The following DAPK2 variants were observed in gnomAD, a reference collection of about 807,000 sequenced individuals.
DAPK2 encodes the protein death associated protein kinase 2.
A neutral mutation model predicts 44.1 loss-of-function variants in DAPK2; 35 were observed. The observed-to-expected ratio is 0.79, with a 90% CI of 0.61 to 1.05. DAPK2 has a LOEUF of 1.05. DAPK2 is among the 50% of genes least tolerant of loss of function. DAPK2 has a pLI of 0.00. For missense variants in DAPK2, 453 were observed against 483.2 expected, an observed-to-expected ratio of 0.94 and a Z score of 0.59; for synonymous variants, 174 against 182.6, an observed-to-expected ratio of 0.95 and a Z score of 0.38.
chr15:64,034,497 T>C (rs192349627), intron 1 of DAPK2, among the ~76,000 whole-genome samples: 18 of 152,300 alleles, frequency 1.2e-4, no homozygotes, highest in African/African-American at 3.8e-4. Flanking sequence ...GCAGGGTGTC[T>C]TGCATACATG....
chr15:63,977,577 A>G (rs766564620), intron 2 of DAPK2, among the ~76,000 whole-genome samples: 2 of 140,150 alleles, frequency 1.4e-5, no homozygotes, highest in Non-Finnish European at 2.9e-5. Context: ...AGGAATCTCT[A>G]TGAGATTCTT....
In DAPK2 at chr15:63,939,553, G is replaced by C. The variant is rs775550511; in HGVS notation, c.454-192C>G. On this transcript the variant is annotated intron_variant, in intron 3 of 10. Coordinates refer to ENST00000261891, the Ensembl canonical transcript of DAPK2. This position sits in a 1 kb window ranked among gnomAD's most constrained non-coding sequence, Gnocchi z 4.3. ...AGTCTTCTCTGTGAACCCAAAGACA[G>C]GTAAAGCATTGAGGGCAAGGCCTGG... Among the ~76,000 whole-genome samples, 1 of 152,164 alleles carries C rather than the reference G, an allele frequency of 6.6e-6. No individual in the cohort carries two copies. The highest frequency in any genetic ancestry group is 2.4e-5 in the African/African-American group (1 of 41,434).
chr15:64,040,514 A>G (rs2080324483), upstream of DAPK2, among the ~76,000 whole-genome samples: 1 of 152,140 alleles, frequency 6.6e-6, no homozygotes, highest in Non-Finnish European at 1.5e-5. Flanking sequence ...TCAGGTCTTC[A>G]GATCTGTCTG....
chr15:64,002,959 T>C (rs1567266507), intron 1 of DAPK2, among the ~76,000 whole-genome samples: 12 of 103,180 alleles, frequency 1.2e-4, no homozygotes, highest in African/African-American at 3.3e-4. Context: ...TGTGTGTGTG[T>C]GTGTGTCGTG....
At chr15:63,934,420 C>A (rs1393671234) in intron 4 of DAPK2, among the ~76,000 whole-genome samples, 1 of 151,738 alleles carries the variant, frequency 6.6e-6, no homozygotes, top group Non-Finnish European at 1.5e-5. Flanking sequence ...CCACACCCAG[C>A]TAATTTTTGT....
At chr15:63,954,298 A>C (rs1461258532) in intron 3 of DAPK2, among the ~76,000 whole-genome samples, 1 of 152,188 alleles carries the variant, frequency 6.6e-6, no homozygotes, top group African/African-American at 2.4e-5. Context: ...CTTAGATTTA[A>C]GTCTTTAATC....
rs536643819 is a variant in DAPK2 at position 64,013,018 on chromosome 15, C to T, written c.92+27152G>A. Among the ~76,000 whole-genome samples the T allele has an allele frequency of 6.6e-6, 1 of 152,244 alleles. No individual in the cohort carries two copies. Among genetic ancestry groups the T allele is most frequent in the Admixed American group, 6.5e-5 (1 of 15,286 alleles). ...TCTTCGATATGATCATAATGTCAAA[C>T]AGACAAGAAAGAATTCACAGAAGCA... On this transcript the variant is annotated intron_variant, in intron 1 of 10. Transcript: ENST00000261891. The surrounding 1 kb of genome is among the most constrained non-coding windows in gnomAD (Gnocchi z 4.7).
At chr15:63,929,229 A>ATCCC (rs1567210427) in intron 6 of DAPK2, among the ~76,000 whole-genome samples, 2 of 151,590 alleles carry the variant, frequency 1.3e-5, no homozygotes, top group Non-Finnish European at 2.9e-5. Context: ...TCTGAGTGAA[A>ATCCC]AGTGACATTC....
intron 1 of DAPK2, among the ~76,000 whole-genome samples, chr15:64,015,952 C>A (rs148241235): frequency 1.1e-4 from 17 of 152,320 alleles, no homozygotes; most frequent in African/African-American, 4.1e-4. Context: ...TTGAAGCCAC[C>A]CAGTTTGTGG....
At chr15:63,965,207 C>T (rs1345386758) in intron 3 of DAPK2, among the ~76,000 whole-genome samples, 1 of 152,236 alleles carries the variant, frequency 6.6e-6, no homozygotes, top group African/African-American at 2.4e-5. Context: ...TTCTTGCAGA[C>T]TTGTAAAGGT....
intron 1 of DAPK2, among the ~76,000 whole-genome samples, chr15:64,005,363 GTT>G (rs1277123565): frequency 2.0e-5 from 3 of 150,974 alleles, no homozygotes; most frequent in Non-Finnish European, 4.4e-5. Flanking sequence ...GGTTTGGTAA[GTT>G]CAGCCACCAC....
intron 8 of DAPK2, chr15:63,920,296 G>C (rs2079036669): frequency 6.6e-6 from 1 of 152,106 alleles, no homozygotes; most frequent in South Asian, 2.1e-4. Context: ...CACCGGCTTG[G>C]GACTCCTGTT....
intron 1 of DAPK2, among the ~76,000 whole-genome samples, chr15:63,988,298 T>A (rs2078720109): frequency 6.6e-6 from 1 of 152,020 alleles, no homozygotes; most frequent in East Asian, 1.9e-4. Flanking sequence ...AGGACTCACA[T>A]TAAAAGGGGT....
intron 4 of DAPK2, 29 bp from the exon 6 acceptor site, chr15:63,930,484 A>G (rs1455648500): frequency 1.9e-6 from 3 of 1,609,694 alleles, no homozygotes; most frequent in Non-Finnish European, 2.6e-6. Flanking sequence ...AATAGTCAAC[A>G]TGAGTGTGAA....
At chr15:63,952,688 T>C (rs534775707) in intron 3 of DAPK2, among the ~76,000 whole-genome samples, 1 of 151,848 alleles carries the variant, frequency 6.6e-6, no homozygotes, top group Non-Finnish European at 1.5e-5. Context: ...ACATAGTAGG[T>C]GTATATATTT....
chr15:63,984,669 A>T (rs2078622742), intron 1 of DAPK2, among the ~76,000 whole-genome samples: 2 of 152,236 alleles, frequency 1.3e-5, no homozygotes, highest in South Asian at 4.1e-4. Flanking sequence ...TCATTGCCCC[A>T]TGTTTTCTTG....
intron 1 of DAPK2, among the ~76,000 whole-genome samples, chr15:63,994,394 GA>G (rs1459607012): frequency 1.3e-5 from 2 of 148,394 alleles, no homozygotes; most frequent in East Asian, 4.0e-4. Flanking sequence ...ATTAGAAAAA[GA>G]AGAATGTTAA....
chr15:63,963,852 C>CT (rs973911808), intron 3 of DAPK2, among the ~76,000 whole-genome samples: 2 of 152,230 alleles, frequency 1.3e-5, no homozygotes, highest in African/African-American at 4.8e-5. Flanking sequence ...AAACTCTACA[C>CT]TTTAACTTTC....
At chr15:63,967,287 G>A (rs144582101) in intron 3 of DAPK2, among the ~76,000 whole-genome samples, 1 of 152,340 alleles carries the variant, frequency 6.6e-6, no homozygotes, top group African/African-American at 2.4e-5. Context: ...TGTATGGATA[G>A]TTGTTCAATT....
Sources: allele counts gnomAD v4.1 joint callset (sites outside exome capture counted in the v4.1 genomes callset), GRCh38; gene constraint gnomAD v4.1.1; non-coding constraint Gnocchi (gnomAD v3.1); transcripts MANE v1.5; gene names NCBI Gene and HGNC (gene_info 2026-07-23, HGNC 2026-07-21).